The following FANCB variants were observed in gnomAD, a reference collection of about 807,000 sequenced individuals.
FANCB encodes FA complementation group B.
FANCB carries 5 observed loss-of-function variants against 38.9 expected under a neutral mutation model. That is an observed-to-expected ratio of 0.13 (90% CI 0.07 to 0.27). The LOEUF is 0.27. Ranked by LOEUF, FANCB falls within the 10% of genes least tolerant of loss-of-function variation. FANCB has a pLI of 1.00. For synonymous variants in FANCB, 236 were observed against 215.4 expected (o/e 1.10, Z -0.84); for missense variants, 573 against 602.7 (o/e 0.95, Z 0.52).
the FANCB span, among the ~76,000 whole-genome samples, chrX:14,775,158 ATGTTTTTTT>A: frequency 3.5e-5 from 1 of 28,477 alleles, no homozygotes; most frequent in Admixed American, 3.2e-4. Flanking sequence ...TATTTCTCTA[ATGTTTTTTT>A]TTTTTTTTTT....
the FANCB span, among the ~76,000 whole-genome samples, chrX:14,749,236 C>G: frequency 2.7e-5 from 3 of 111,518 alleles, no homozygotes; most frequent in African/African-American, 9.8e-5. Flanking sequence ...GACTTTATGG[C>G]AGGAAGCAGA....
chrX:14,808,191 G>A, the FANCB span, among the ~76,000 whole-genome samples: 5 of 111,749 alleles, frequency 4.5e-5, no homozygotes, highest in Admixed American at 4.7e-4. Flanking sequence ...GAGGAGGAGG[G>A]AATACTTCCA....
At chrX:14,738,931 C>T in the FANCB span, among the ~76,000 whole-genome samples, 136 of 111,964 alleles carry the variant, frequency 1.2e-3, no homozygotes, top group African/African-American at 3.8e-3. Flanking sequence ...AACCAAAACA[C>T]GGCACAAAAT....
chrX:14,777,137 G>T, the FANCB span, among the ~76,000 whole-genome samples: 1 of 111,954 alleles, frequency 8.9e-6, no homozygotes, highest in South Asian at 3.7e-4. Flanking sequence ...GCATTGCTGG[G>T]TCTAAAAGCA....
the FANCB span, among the ~76,000 whole-genome samples, chrX:14,754,554 C>T: frequency 1.8e-5 from 2 of 111,426 alleles, no homozygotes; most frequent in Non-Finnish European, 3.8e-5. Context: ...GACTCATGCC[C>T]TTAACAAAAA....
At chrX:14,853,884 T>A (rs1299418191) in intron 5 of FANCB, among the ~76,000 whole-genome samples, 1 of 112,312 alleles carries the variant, frequency 8.9e-6, no homozygotes, top group African/African-American at 3.2e-5. Context: ...AGTCATGTCA[T>A]TGAACTGATA....
the FANCB span, among the ~76,000 whole-genome samples, chrX:14,725,012 TG>T: frequency 9.0e-6 from 1 of 111,674 alleles, no homozygotes; most frequent in Non-Finnish European, 1.9e-5. Flanking sequence ...CCAGAGACTT[TG>T]GAATCAGTTT....
the FANCB span, among the ~76,000 whole-genome samples, chrX:14,823,529 C>T: frequency 8.9e-6 from 1 of 111,960 alleles, no homozygotes; most frequent in East Asian, 2.8e-4. Flanking sequence ...AATGTAATTA[C>T]TGATATAGTT....
chrX:14,822,168 C>A, the FANCB span, among the ~76,000 whole-genome samples: 1 of 110,533 alleles, frequency 9.0e-6, no homozygotes, highest in African/African-American at 3.3e-5. Flanking sequence ...GAGAGCTGCC[C>A]CCTGAGAGCT....
At chrX:14,779,749 G>C in the FANCB span, among the ~76,000 whole-genome samples, 1 of 109,247 alleles carries the variant, frequency 9.2e-6, no homozygotes, top group Non-Finnish European at 1.9e-5. Flanking sequence ...AGGAAGTGAG[G>C]ACTAGATGAT....
the FANCB span, among the ~76,000 whole-genome samples, chrX:14,812,624 G>A: frequency 1.8e-5 from 2 of 108,968 alleles, no homozygotes; most frequent in Non-Finnish European, 3.8e-5. Context: ...GGAAGAAGTT[G>A]AGTCTCTGAA....
At chrX:14,742,507 T>C in the FANCB span, among the ~76,000 whole-genome samples, 3 of 111,857 alleles carry the variant, frequency 2.7e-5, no homozygotes, top group African/African-American at 9.8e-5. Flanking sequence ...AGTATATACC[T>C]TGTACAATTG....
chrX:14,828,039 AG>A, the FANCB span, among the ~76,000 whole-genome samples: 1 of 112,672 alleles, frequency 8.9e-6, no homozygotes, highest in East Asian at 2.8e-4. Flanking sequence ...ATTATACTTT[AG>A]TCTACTAAGT....
At chrX:14,696,582 A>G in the FANCB span, among the ~76,000 whole-genome samples, 2 of 111,754 alleles carry the variant, frequency 1.8e-5, no homozygotes, top group Admixed American at 1.9e-4. Context: ...AATGGATGCT[A>G]AAGTCATCAA....
chrX:14,755,385 T>TA, the FANCB span, among the ~76,000 whole-genome samples: 4 of 111,210 alleles, frequency 3.6e-5, no homozygotes, highest in Non-Finnish European at 7.6e-5. Flanking sequence ...CTTATATATT[T>TA]AAAAAAAATC....
chrX:14,869,601 C>A (rs925061947), intron 1 of FANCB, among the ~76,000 whole-genome samples: 41 of 112,038 alleles, frequency 3.7e-4, no homozygotes, highest in African/African-American at 1.0e-3. Context: ...CTATTTAATA[C>A]ATCAGTTAAT....
the FANCB span, among the ~76,000 whole-genome samples, chrX:14,774,860 T>C: frequency 9.0e-6 from 1 of 111,019 alleles, no homozygotes. Flanking sequence ...TGAGATGGAG[T>C]CTTGCTCTGT....
At chrX:14,826,896 T>G in the FANCB span, among the ~76,000 whole-genome samples, 2 of 111,918 alleles carry the variant, frequency 1.8e-5, no homozygotes, top group African/African-American at 6.5e-5. Flanking sequence ...AATATTTTTG[T>G]TTCTTTTTTT....
chrX:14,849,689 C>T (rs765134225), intron 7 of FANCB, among the ~76,000 whole-genome samples: 9 of 112,319 alleles, frequency 8.0e-5, no homozygotes, highest in Non-Finnish European at 1.5e-4. Flanking sequence ...TCAATAGTCT[C>T]TAAGTATCCC....
Sources: allele counts gnomAD v4.1 joint callset (sites outside exome capture counted in the v4.1 genomes callset), GRCh38; gene constraint gnomAD v4.1.1; transcripts MANE v1.5; gene names NCBI Gene and HGNC (gene_info 2026-07-23, HGNC 2026-07-21).